The following CPPED1 variants were observed in gnomAD, a reference collection of about 807,000 sequenced individuals.
The protein encoded by CPPED1 is calcineurin like phosphoesterase domain containing 1.
Under a neutral mutation model 28.0 loss-of-function variants are expected in CPPED1, and 28 were observed. That is an observed-to-expected ratio of 1.00 (90% CI 0.74 to 1.37). CPPED1 has a LOEUF of 1.37. Among genes scored for constraint, CPPED1 ranks in the 40% most tolerant of loss-of-function variants. The pLI, the probability that CPPED1 is intolerant of heterozygous loss-of-function variation, is 0.00. For missense variants in CPPED1, 504 were observed against 416.5 expected (o/e 1.21, Z -1.83); for synonymous variants, 198 against 180.2 (o/e 1.10, Z -0.79).
intron 3 of CPPED1, among the ~76,000 whole-genome samples, chr16:12,686,424 A>G (rs1400767329): frequency 2.6e-5 from 4 of 152,156 alleles, no homozygotes. Flanking sequence ...CTACAAAATA[A>G]CAGAGTTCCC....
chr16:12,697,894 T>C (rs2080000310), intron 3 of CPPED1, among the ~76,000 whole-genome samples: 1 of 152,132 alleles, frequency 6.6e-6, no homozygotes, highest in Non-Finnish European at 1.5e-5. Context: ...AGCGGATCAC[T>C]TGAGGTCAGG....
intron 2 of CPPED1, among the ~76,000 whole-genome samples, chr16:12,716,877 G>T (rs1304815833): frequency 6.6e-6 from 1 of 151,670 alleles, no homozygotes; most frequent in Non-Finnish European, 1.5e-5. Flanking sequence ...CAATGACCTT[G>T]TGGTGTTGCA....
chr16:12,687,148 A>G (rs1567275791), intron 3 of CPPED1, among the ~76,000 whole-genome samples: 1 of 151,990 alleles, frequency 6.6e-6, no homozygotes, highest in Non-Finnish European at 1.5e-5. Context: ...CCGTTTGCCA[A>G]CTCTTGACCT....
intron 2 of CPPED1, among the ~76,000 whole-genome samples, chr16:12,779,915 G>A (rs1031324338): frequency 2.0e-5 from 3 of 152,154 alleles, no homozygotes; most frequent in African/African-American, 7.2e-5. Context: ...CTCCCTGAGG[G>A]ACAGGAGCAC....
In CPPED1 at chr16:12,715,308, G is replaced by C. The variant is rs913329560; in HGVS notation, c.290-10259C>G. ...AATTTTCATATAAAATTTAGGATCA[G>C]CTTGTGGTAACTGTGTAATCAAGGA... On this transcript the variant is annotated intron_variant, in intron 2 of 3. Coordinates refer to ENST00000381774, the MANE Select transcript of CPPED1 (RefSeq NM_018340.3). Among the ~76,000 whole-genome samples, 13 of 152,126 alleles carry C rather than the reference G, an allele frequency of 8.5e-5. 1 individual carries two copies. The highest frequency in any genetic ancestry group is 8.5e-4 in the Admixed American group (13 of 15,272).
chr16:12,746,373 C>CAAAAAAAAAAAA (rs71142518), intron 2 of CPPED1, among the ~76,000 whole-genome samples: 1 of 105,552 alleles, frequency 9.5e-6, no homozygotes, highest in Non-Finnish European at 1.8e-5. Context: ...GACTCTGACT[C>CAAAAAAAAAAAA]AAAAAAAAAA....
intron 1 of CPPED1, among the ~76,000 whole-genome samples, chr16:12,786,140 G>C (rs2080561932): frequency 6.6e-6 from 1 of 152,250 alleles, no homozygotes; most frequent in Non-Finnish European, 1.5e-5. Flanking sequence ...TCATGGCACA[G>C]AGATGGCAGG....
At chr16:12,666,582 C>A (rs774108833) in intron 3 of CPPED1, among the ~76,000 whole-genome samples, 19 of 152,130 alleles carry the variant, frequency 1.2e-4, no homozygotes, top group Non-Finnish European at 2.5e-4. Context: ...AATACTTCCA[C>A]TGTGGCCGTG....
intron 3 of CPPED1, among the ~76,000 whole-genome samples, chr16:12,680,857 A>G (rs1338069701): frequency 6.6e-6 from 1 of 152,128 alleles, no homozygotes; most frequent in Non-Finnish European, 1.5e-5. Context: ...TTCAAGCCTC[A>G]TCTCCTCTGA....
At chr16:12,753,226 A>G (rs1382773551) in intron 2 of CPPED1, 1 of 152,146 alleles carries the variant, frequency 6.6e-6, no homozygotes, top group Non-Finnish European at 1.5e-5. Context: ...CCTAGCCCCC[A>G]GTGATGCTGT....
Position 12,693,131 on chromosome 16 carries a change from C to T in CPPED1, c.715+11493G>A, listed in dbSNP as rs182531272. ...CAGTTTCCACACCTGTGCCGAAGAC[C>T]TGGAGAAGGCACCTTTAAGGTCCTG... On this transcript the variant is annotated intron_variant, in intron 3 of 3. Transcript: ENST00000381774. 1.9e-4 allele frequency among the ~76,000 whole-genome samples: 29 copies of T among 152,308 alleles called. No individual in the cohort carries two copies. In the East Asian group the frequency reaches 5.4e-3, roughly 28 times the overall value.
At chr16:12,786,138 C>T (rs1050432474) in intron 1 of CPPED1, among the ~76,000 whole-genome samples, 1 of 152,182 alleles carries the variant, frequency 6.6e-6, no homozygotes, top group African/African-American at 2.4e-5. Flanking sequence ...GCTCATGGCA[C>T]AGAGATGGCA....
In CPPED1 at chr16:12,770,169, C is replaced by T. The variant is rs191457252; in HGVS notation, c.289+11016G>A. ...CATGGAAGAAAAGTCCTGGTCAGTC[C>T]CTGTCCCTGAGAGATGTTCCCCAGA... On this transcript the variant is annotated intron_variant, in intron 2 of 3. Coordinates refer to ENST00000381774, the MANE Select transcript of CPPED1 (RefSeq NM_018340.3). 2.5e-3 allele frequency among the ~76,000 whole-genome samples: 387 copies of T among 152,246 alleles called. 6 individuals carry two copies. Among genetic ancestry groups the T allele is most frequent in the Non-Finnish European group, 5.4e-4 (37 of 68,026 alleles).
chr16:12,771,695 T>C (rs2080471328), intron 2 of CPPED1, among the ~76,000 whole-genome samples: 1 of 152,188 alleles, frequency 6.6e-6, no homozygotes, highest in Non-Finnish European at 1.5e-5. Context: ...GGAAAATGAG[T>C]ATCAACCTTC....
intron 3 of CPPED1, among the ~76,000 whole-genome samples, chr16:12,694,150 G>A (rs2141180302): frequency 6.6e-6 from 1 of 152,302 alleles, no homozygotes. Flanking sequence ...AGGTTGCAAT[G>A]AGCCGAGATT....
At chr16:12,673,167 T>C (rs1713473) in intron 3 of CPPED1, among the ~76,000 whole-genome samples, 151,938 of 152,290 alleles carry the variant, frequency 1, 75,806 homozygotes, top group Middle Eastern at 1. Flanking sequence ...GTTGGGCGCC[T>C]GATGGGTCCT....
chr16:12,786,544 C>G (rs554669373), intron 1 of CPPED1, among the ~76,000 whole-genome samples: 1 of 152,176 alleles, frequency 6.6e-6, no homozygotes, highest in Non-Finnish European at 1.5e-5. Flanking sequence ...CTAAATATTT[C>G]TTATTTCTCT....
intron 2 of CPPED1, among the ~76,000 whole-genome samples, chr16:12,740,617 G>A (rs1355750947): frequency 6.6e-6 from 1 of 152,136 alleles, no homozygotes; most frequent in Non-Finnish European, 1.5e-5. Context: ...TATATTATTA[G>A]CGTTACAAAG....
chr16:12,683,723 TC>T (rs1432147202), intron 3 of CPPED1, among the ~76,000 whole-genome samples: 1 of 152,126 alleles, frequency 6.6e-6, no homozygotes, highest in Non-Finnish European at 1.5e-5. Context: ...CTCCTCTCCA[TC>T]CTCAGTGTGA....
Sources: allele counts gnomAD v4.1 joint callset (sites outside exome capture counted in the v4.1 genomes callset), GRCh38; gene constraint gnomAD v4.1.1; transcripts MANE v1.5; gene names NCBI Gene and HGNC (gene_info 2026-07-23, HGNC 2026-07-21).